The following SWT1 variants were observed in gnomAD, a reference collection of about 807,000 sequenced individuals.
SWT1 encodes SWT1 RNA endoribonuclease homolog.
A neutral mutation model predicts 107.3 loss-of-function variants in SWT1; 33 were observed. That is an observed-to-expected ratio of 0.31 (90% CI 0.23 to 0.41). The LOEUF (loss-of-function observed/expected upper bound fraction) is 0.41. SWT1 is among the 10% of genes least tolerant of loss of function. The pLI is 1.00. For synonymous variants in SWT1, 345 were observed against 348.3 expected (o/e 0.99, Z 0.11); for missense variants, 898 against 1,028.9 (o/e 0.87, Z 1.74).
At chr1:185,161,313 TC>T (rs1458922023) in intron 2 of SWT1, among the ~76,000 whole-genome samples, 1 of 152,224 alleles carries the variant, frequency 6.6e-6, no homozygotes, top group East Asian at 1.9e-4. Flanking sequence ...AGGATTGCAT[TC>T]TTATCAGTCA....
At chr1:185,202,554 A>G in intron 10 of SWT1, 100 bp from the exon 11 acceptor site, 1 of 1,003,940 alleles carries the variant, frequency 1.0e-6, no homozygotes, top group Non-Finnish European at 1.5e-6. Flanking sequence ...ATAGGCTGAG[A>G]ATCACCTGCC....
intron 16 of SWT1, among the ~76,000 whole-genome samples, chr1:185,268,808 A>G (rs1007997995): frequency 7.3e-5 from 11 of 151,590 alleles, no homozygotes; most frequent in African/African-American, 2.7e-4. Flanking sequence ...AAGAATAGGT[A>G]TAAAATATTC....
intron 13 of SWT1, among the ~76,000 whole-genome samples, chr1:185,212,044 C>T (rs577972725): frequency 6.6e-6 from 1 of 151,250 alleles, no homozygotes; most frequent in Admixed American, 6.6e-5. Flanking sequence ...CATCACACTC[C>T]AGGGACTGTT....
At chr1:185,242,185 A>G (rs927352207) in intron 16 of SWT1, among the ~76,000 whole-genome samples, 14 of 152,182 alleles carry the variant, frequency 9.2e-5, no homozygotes, top group African/African-American at 3.1e-4. Flanking sequence ...AAGAGCTTTT[A>G]TGGTATCTAT....
chr1:185,170,092 A>T (rs896727662), intron 4 of SWT1, among the ~76,000 whole-genome samples: 3 of 152,188 alleles, frequency 2.0e-5, no homozygotes, highest in Non-Finnish European at 1.5e-5. Flanking sequence ...AAAGCACCAA[A>T]TGTTAAATTG....
chr1:185,272,806 T>G (rs1663967402), intron 17 of SWT1, among the ~76,000 whole-genome samples: 1 of 151,798 alleles, frequency 6.6e-6, no homozygotes, highest in Non-Finnish European at 1.5e-5. Context: ...GAGGCTGAGG[T>G]CAGTGGATCG....
chr1:185,290,411 T>TA (rs999086041), intron 18 of SWT1, among the ~76,000 whole-genome samples: 1 of 152,078 alleles, frequency 6.6e-6, no homozygotes, highest in Non-Finnish European at 1.5e-5. Flanking sequence ...ACTCTATCTC[T>TA]AAAAAAAGTT....
At chr1:185,273,269 G>A (rs974602379) in intron 17 of SWT1, among the ~76,000 whole-genome samples, 2 of 152,060 alleles carry the variant, frequency 1.3e-5, no homozygotes, top group African/African-American at 4.8e-5. Context: ...GCTAGGAGTG[G>A]TGGCATGGGC....
rs1364512091 is a variant in SWT1, at chr1:185,255,677, T to A, written c.2442-15646T>A. Reference sequence around the variant, plus strand: ...TTTATTTTGAGCCTATGTGTGTCTCTGCACGTGAGATGGGTTTCCTGAATA... The same window carrying A: ...TTTATTTTGAGCCTATGTGTGTCTCAGCACGTGAGATGGGTTTCCTGAATA... On this transcript the variant is annotated intron_variant, in intron 16 of 18. Transcript: ENST00000367500. Among the ~76,000 whole-genome samples, 230 of 130,316 alleles carry A rather than the reference T, an allele frequency of 1.8e-3. 4 individuals are homozygous for A. The highest frequency in any genetic ancestry group is 3.4e-3 in the South Asian group (13 of 3,852). 85.5% of individuals were successfully genotyped at this position (130,316 alleles called of 152,430 possible).
chr1:185,282,619 A>G (rs1664705891), intron 18 of SWT1, among the ~76,000 whole-genome samples: 2 of 152,264 alleles, frequency 1.3e-5, no homozygotes, highest in Non-Finnish European at 2.9e-5. Context: ...CTCCTGATTT[A>G]TAAGCCAGTT....
Position 185,190,786 on chromosome 1 carries a change from C to T in SWT1, c.1523+144C>T. 1.6e-5 allele frequency: 9 copies of T among 545,914 alleles called. 1 individual carries two copies. In the South Asian group the frequency reaches 2.4e-4, roughly 15 times the overall value. The allele number at this position is 545,914 out of a possible 1,614,324, so 33.8% of individuals were successfully genotyped here. ...AGTAAGCATACCCACTTGTATCTGA[C>T]AGTCTTATAATGTGTGAGCACTAGA... On this transcript the variant is annotated intron_variant, in intron 10 of 18. Transcript: ENST00000367500.
chr1:185,278,684 C>T (rs997754132), intron 18 of SWT1, among the ~76,000 whole-genome samples: 29 of 152,130 alleles, frequency 1.9e-4, no homozygotes, highest in Admixed American at 5.2e-4. Context: ...CATGTGCATT[C>T]GTAAATGTCG....
intron 18 of SWT1, among the ~76,000 whole-genome samples, chr1:185,283,481 A>C (rs2102777675): frequency 6.6e-6 from 1 of 152,246 alleles, no homozygotes; most frequent in East Asian, 1.9e-4. Context: ...CATTTAATTC[A>C]CTTTTTTTTC....
At chr1:185,243,554 T>C (rs2383269) in intron 16 of SWT1, among the ~76,000 whole-genome samples, 67,849 of 152,054 alleles carry the variant, frequency 0.45, 16,774 homozygotes, top group African/African-American at 0.68. Context: ...AAGTTTGATT[T>C]TAACTCAGGA....
intron 18 of SWT1, among the ~76,000 whole-genome samples, chr1:185,289,826 C>T (rs528507600): frequency 6.9e-4 from 105 of 152,056 alleles, no homozygotes; most frequent in Admixed American, 1.1e-3. Flanking sequence ...ATGGTGGTTA[C>T]CAGGGGCTAG....
chr1:185,269,456 T>C lies in SWT1; in HGVS notation c.2442-1867T>C, dbSNP rs146826773. On this transcript the variant is annotated intron_variant, in intron 16 of 18. Transcript: ENST00000367500. ...AATAGTATTCTTATGGAGGTTGTTA[T>C]ATATTCTTAAAGATGTTCTGTATGT... Among the ~76,000 whole-genome samples the C allele has an allele frequency of 5.5e-3, 842 of 151,954 alleles. 14 individuals are homozygous for C. The highest frequency in any genetic ancestry group is 0.019 in the African/African-American group (791 of 41,426).
At chr1:185,179,616 A>G (rs767592784) in intron 5 of SWT1, among the ~76,000 whole-genome samples, 2 of 152,088 alleles carry the variant, frequency 1.3e-5, no homozygotes, top group Non-Finnish European at 2.9e-5. Flanking sequence ...TTATCATGTC[A>G]CTTGTAGAAA....
rs1663241595 is a variant in SWT1 at position 185,264,512 on chromosome 1, A to T, written c.2442-6811A>T. ...TAATAATAGTAGTAGCTAATATTTT[A>T]TTGGGCCAAGAATTTTTCCAAGTAT... On this transcript the variant is annotated intron_variant, in intron 16 of 18. Coordinates refer to ENST00000367500, the MANE Select transcript of SWT1 (RefSeq NM_017673.7). 14 of 956,234 alleles carry T rather than the reference A, an allele frequency of 1.5e-5. No homozygotes were observed. In the Admixed American group the frequency reaches 8.6e-4, roughly 59 times the overall value. 59.2% of individuals were successfully genotyped at this position (956,234 alleles called of 1,614,324 possible). A position where few individuals can be genotyped will look rare whatever the true frequency, so the allele number is the denominator to read the frequency against.
At chr1:185,233,605 G>C (rs1464526315) in intron 16 of SWT1, among the ~76,000 whole-genome samples, 1 of 152,132 alleles carries the variant, frequency 6.6e-6, no homozygotes, top group Non-Finnish European at 1.5e-5. Context: ...CCATGTAGTT[G>C]AGCGGTTTTG....
Sources: gnomAD v4.1 joint callset for allele counts (sites outside exome capture counted in the v4.1 genomes callset) on GRCh38, gnomAD v4.1.1 for gene constraint, MANE v1.5 for transcripts, NCBI Gene and HGNC (gene_info 2026-07-23, HGNC 2026-07-21) for gene names.